The following NTN3 variants were observed in gnomAD, a reference collection of about 807,000 sequenced individuals.
The protein encoded by NTN3 is netrin 3.
In NTN3, 44 loss-of-function variants were observed where a neutral mutation model predicts 37.2. That is an observed-to-expected ratio of 1.18 (90% confidence interval 0.93 to 1.52). The LOEUF (loss-of-function observed/expected upper bound fraction) is 1.52, where lower values mean the gene tolerates loss of function less well. Ranked by LOEUF, NTN3 falls within the 40% of genes most tolerant of loss-of-function variation. The probability of loss-of-function intolerance (pLI) is 0.00; values close to 1 mark genes in which losing one functional copy is unlikely to be tolerated. For synonymous variants in NTN3, 385 were observed against 376.0 expected, an observed-to-expected ratio of 1.02 and a Z score of -0.28; for missense variants, 882 against 857.3, an observed-to-expected ratio of 1.03 and a Z score of -0.36.
Position 2,474,045 on chromosome 16 carries a change from G to A in NTN3, c.1683G>A (p.Trp561Ter). The change falls in exon 6 of 6, where the codon TGG (tryptophan) becomes TGA (stop). Residue 561 changes from tryptophan to a stop codon, truncating the protein, a stop_gained. Coordinates refer to ENST00000293973, the MANE Select transcript of NTN3 (RefSeq NM_006181.3). LOFTEE classifies it high-confidence loss of function. ...TCGTGCTACCCTGGAGGGACGCGTGGACGCGGCGCCTGCGGAGGCTGCAGC... is the reference window on the plus strand; with the variant it reads ...TCGTGCTACCCTGGAGGGACGCGTGAACGCGGCGCCTGCGGAGGCTGCAGC... ...GSLVLPWRDAWTRRLRRLQRR... is the reference protein window; with the variant it reads ...GSLVLPWRDA 8.3e-7 allele frequency: 1 copy of A among 1,206,342 alleles called. No individual in the cohort carries two copies. Among genetic ancestry groups the A allele is most frequent in the Non-Finnish European group, 1.0e-6 (1 of 971,450 alleles). The allele number at this position is 1,206,342 out of a possible 1,614,324, so 74.7% of individuals were successfully genotyped here.
At position 2,472,215 on chromosome 16, in the gene NTN3, G is replaced by T; in HGVS notation, c.514G>T (p.Gly172Trp). 6.2e-7 allele frequency: 1 copy of T among 1,609,916 alleles called. No homozygotes were observed. Residue 172 changes from glycine to tryptophan, a missense_variant, in exon 1 of 6, where the codon GGG becomes TGG. Transcript: ENST00000293973. The stretch of plus-strand genomic sequence containing the variant: ...CCCTGCCAATGGCCCAGCTGGCCCA[G>T]GGCCTGAGGCCCTGTGCTTCCCCGC... The part of the protein sequence containing the change: ...PAPANGPAGP[G>W]PEALCFPAPL...
rs918009261 is a variant in NTN3 at position 2,474,010 on chromosome 16, C to T, written c.1648C>T (p.Arg550Cys). The T allele has an allele frequency of 1.7e-6, 2 of 1,189,274 alleles. No individual in the cohort carries two copies. Among genetic ancestry groups the T allele is most frequent in the Non-Finnish European group, 1.0e-6 (1 of 960,718 alleles). 73.7% of individuals were successfully genotyped at this position (1,189,274 alleles called of 1,614,324 possible). A position where few individuals can be genotyped will look rare whatever the true frequency, so the allele number is the denominator to read the frequency against. ...GGRGPGLIAA[R>C]GSLVLPWRDA... ...CCGGGGGCCCGGGCTCATCGCCGCC[C>T]GCGGAAGCCTCGTGCTACCCTGGAG... Residue 550 changes from arginine to cysteine, a missense_variant, in exon 6 of 6, where the codon CGC becomes TGC. By Grantham distance (180) the Arg-to-Cys change is radical (BLOSUM62 -3). Transcript: ENST00000293973.
In NTN3 at chr16:2,471,352, G is replaced by T. The variant is rs2141844155; in HGVS notation, c.-350G>T. 1.6e-5 allele frequency: 3 copies of T among 186,080 alleles called. No individual in the cohort carries two copies. In the Admixed American group the frequency reaches 1.9e-4, roughly 12 times the overall value. The allele number at this position is 186,080 out of a possible 1,614,324, so 11.5% of individuals were successfully genotyped here. A position where few individuals can be genotyped will look rare whatever the true frequency, so the allele number is the denominator to read the frequency against. On this transcript the variant is annotated 5_prime_UTR_variant, in exon 1 of 6. Coordinates refer to ENST00000293973, the MANE Select transcript of NTN3 (RefSeq NM_006181.3). ...GGAGGCGGCGGCCCGTGCACCGCAG[G>T]CCCCGCCCGCCCACGGCCCTTCCCG...
intron 1 of NTN3, 29 bp downstream of exon 1, chr16:2,472,658 C>T: frequency 6.2e-7 from 1 of 1,604,146 alleles, no homozygotes; most frequent in Non-Finnish European, 8.5e-7. Context: ...GCCTGGGGAC[C>T]TTGGACACAA....
chr16:2,472,338 G>A lies in NTN3; in HGVS notation c.637G>A (p.Asp213Asn). The change falls in exon 1 of 6, where the codon GAC becomes AAC. Residue 213 changes from aspartate (D) to asparagine (N), a missense_variant. Coordinates refer to ENST00000293973, the MANE Select transcript of NTN3 (RefSeq NM_006181.3). ...LDLDSSPVLQ[D>N]WVTATDVRVV... Reference sequence around the variant, plus strand: ...CCTGGACAGCAGCCCAGTGCTCCAAGACTGGGTGACCGCCACCGACGTCCG... The same window carrying A: ...CCTGGACAGCAGCCCAGTGCTCCAAAACTGGGTGACCGCCACCGACGTCCG... 1 of 1,611,668 alleles carries A rather than the reference G, an allele frequency of 6.2e-7. No homozygotes were observed. Among genetic ancestry groups the A allele is most frequent in the Non-Finnish European group, 8.5e-7 (1 of 1,179,162 alleles).
chr16:2,472,801 C>G lies in NTN3; in HGVS notation c.1029C>G (p.His343Gln). The change falls in exon 2 of 6, where the codon CAC (histidine) becomes CAG (glutamine). Residue 343 changes from histidine to glutamine, a missense_variant. Coordinates refer to ENST00000293973, the MANE Select transcript of NTN3 (RefSeq NM_006181.3). ...GGGGTGTCTGTCTCAACTGCCGGCA[C>G]AACACCGCCGGCCGCCACTGCCACT... is the stretch of plus-strand genomic sequence containing the variant. ...RSGGVCLNCRHNTAGRHCHYC... is the reference protein window; with the variant it reads ...RSGGVCLNCRQNTAGRHCHYC... The G allele has an allele frequency of 6.2e-7, 1 of 1,607,370 alleles. No homozygotes were observed. The highest frequency in any genetic ancestry group is 8.5e-7 in the Non-Finnish European group (1 of 1,179,216).
intron 5 of NTN3, 91 bp from the exon 6 acceptor site, chr16:2,473,665 C>T: frequency 1.6e-6 from 2 of 1,288,288 alleles, no homozygotes; most frequent in East Asian, 5.1e-5. Context: ...CCCTTCAGCC[C>T]CCACTGCCCT....
rs762031316 is a variant in NTN3, at chr16:2,473,322, A to C, written c.1318+4A>C. On this transcript the variant is annotated splice_donor_region_variant and intron_variant, in intron 4 of 5. Coordinates refer to ENST00000293973, the MANE Select transcript of NTN3 (RefSeq NM_006181.3). The stretch of plus-strand genomic sequence containing the variant: ...AGCAGCCCTGTGCAGCCCCAGGGTG[A>C]GTGGACACAGGACAGGGCCCCAGAC... 1 of 1,612,690 alleles carries C rather than the reference A, an allele frequency of 6.2e-7. No individual in the cohort carries two copies. Among genetic ancestry groups the C allele is most frequent in the African/African-American group, 1.3e-5 (1 of 74,876 alleles).
In NTN3 at chr16:2,473,885, C is replaced by T. The variant is rs2065539873; in HGVS notation, c.1523C>T (p.Pro508Leu). The change falls in exon 6 of 6, where the codon CCC (proline) becomes CTC (leucine). Residue 508 changes from proline to leucine, a missense_variant. Transcript: ENST00000293973. ...CGCGGGAGTAGCGCGCTGTGGGTGCCCGCCGGGGATGCGGCCTGCGGCTGC... is the reference window on the plus strand; with the variant it reads ...CGCGGGAGTAGCGCGCTGTGGGTGCTCGCCGGGGATGCGGCCTGCGGCTGC... ...ARRGSSALWV[P>L]AGDAACGCPR... The T allele has an allele frequency of 1.6e-6, 2 of 1,239,114 alleles. No homozygotes were observed. The highest frequency in any genetic ancestry group is 3.1e-5 in the African/African-American group (2 of 63,640). The allele number at this position is 1,239,114 out of a possible 1,614,324, so 76.8% of individuals were successfully genotyped here.
At position 2,472,269 on chromosome 16, in the gene NTN3, C is replaced by T. The variant is rs771434830; in HGVS notation, c.568C>T (p.Leu190Phe). The T allele has an allele frequency of 3.1e-6, 5 of 1,607,738 alleles. No individual in the cohort carries two copies. The highest frequency in any genetic ancestry group is 4.2e-6 in the Non-Finnish European group (5 of 1,176,918). The stretch of plus-strand genomic sequence containing the variant: ...CCTGGCCCAGCCTGATGGCAGCGGC[C>T]TTCTGGCCTTCAGCATGCAGGACAG... ...APLAQPDGSG[L>F]LAFSMQDSSP... The change falls in exon 1 of 6, where the codon CTT (leucine) becomes TTT (phenylalanine). Residue 190 changes from leucine (L) to phenylalanine (F), a missense_variant. By Grantham distance (22) the Leu-to-Phe change is conservative (BLOSUM62 0). Coordinates refer to ENST00000293973, the MANE Select transcript of NTN3 (RefSeq NM_006181.3).
chr16:2,471,734 G>C lies in NTN3; in HGVS notation c.33G>C (p.Thr11=), dbSNP rs938791816. The change falls in exon 1 of 6, where the codon ACG becomes ACC. Residue 11 remains threonine, a synonymous_variant. Transcript: ENST00000293973. MPGWPWGLLL[T]AGTLFAALSP... is the part of the protein sequence containing the mutation. ...GCTGGCCCTGGGGGCTGCTGCTGACGGCAGGCACGCTCTTCGCCGCCCTGA... is the reference window on the plus strand; with the variant it reads ...GCTGGCCCTGGGGGCTGCTGCTGACCGCAGGCACGCTCTTCGCCGCCCTGA... The C allele has an allele frequency of 2.9e-6, 4 of 1,380,936 alleles. No homozygotes were observed. In the South Asian group the frequency reaches 6.7e-5, roughly 23 times the overall value. The allele number at this position is 1,380,936 out of a possible 1,614,324, so 85.5% of individuals were successfully genotyped here. A position where few individuals can be genotyped will look rare whatever the true frequency, so the allele number is the denominator to read the frequency against.
rs760204032 is a variant in NTN3 at position 2,472,280 on chromosome 16, C to T, written c.579C>T (p.Phe193=). 6.2e-7 allele frequency: 1 copy of T among 1,607,428 alleles called. No homozygotes were observed. Residue 193 remains phenylalanine, a synonymous_variant, in exon 1 of 6, where the codon TTC becomes TTT. Coordinates refer to ENST00000293973, the MANE Select transcript of NTN3 (RefSeq NM_006181.3). Reference sequence around the variant, plus strand: ...CTGATGGCAGCGGCCTTCTGGCCTTCAGCATGCAGGACAGCAGCCCCCCAG... The same window carrying T: ...CTGATGGCAGCGGCCTTCTGGCCTTTAGCATGCAGGACAGCAGCCCCCCAG... The part of the protein sequence containing the change: ...AQPDGSGLLA[F]SMQDSSPPGL...
At chr16:2,473,579 C>T in intron 5 of NTN3, 76 bp downstream of exon 5, 2 of 1,459,920 alleles carry the variant, frequency 1.4e-6, no homozygotes, top group Non-Finnish European at 1.9e-6. Context: ...CCAGCTTCCC[C>T]TTGGAACGCC....
Position 2,472,119 on chromosome 16 carries a change from C to A in NTN3, c.418C>A (p.His140Asn), listed in dbSNP as rs551933701. ...ASVALLKSQDHGRSWAPLGFF... is the reference protein window; with the variant it reads ...ASVALLKSQDNGRSWAPLGFF... ...CGTGGCCCTGCTCAAGTCTCAGGAC[C>A]ATGGCCGCAGCTGGGCCCCGCTGGG... is the stretch of plus-strand genomic sequence containing the variant. Residue 140 changes from histidine (H) to asparagine (N), a missense_variant, in exon 1 of 6, where the codon CAT becomes AAT. Physicochemically the swap from His to Asn is moderately conservative, Grantham distance 68. Coordinates refer to ENST00000293973, the MANE Select transcript of NTN3 (RefSeq NM_006181.3). 8.1e-6 allele frequency: 13 copies of A among 1,608,196 alleles called. No individual in the cohort carries two copies. The highest frequency in any genetic ancestry group is 1.3e-5 in the African/African-American group (1 of 74,896).
chr16:2,473,507 G>A lies in NTN3; in HGVS notation c.1393+4G>A, dbSNP rs763248145. ...AAGTTCTGCAAGAAGGACTATGGTA[G>A]GTGCCCTCAGGCCTCCCGCGGACCT... On this transcript the variant is annotated splice_donor_region_variant and intron_variant, in intron 5 of 5. Coordinates refer to ENST00000293973, the MANE Select transcript of NTN3 (RefSeq NM_006181.3). 1.6e-5 allele frequency: 25 copies of A among 1,612,174 alleles called. No homozygotes were observed. In the African/African-American group the frequency reaches 2.8e-4, roughly 18 times the overall value.
At position 2,473,860 on chromosome 16, in the gene NTN3, C is replaced by T; in HGVS notation, c.1498C>T (p.Arg500Cys). The stretch of plus-strand genomic sequence containing the variant: ...CCGGAGCGGAGAGGAGCGCGCGCGG[C>T]GCGGGAGTAGCGCGCTGTGGGTGCC... ...VFRSGEERAR[R>C]GSSALWVPAG... Residue 500 changes from arginine to cysteine, a missense_variant, in exon 6 of 6, where the codon CGC (arginine) becomes TGC (cysteine). Transcript: ENST00000293973. 3.1e-6 allele frequency: 4 copies of T among 1,305,642 alleles called. No homozygotes were observed. The highest frequency in any genetic ancestry group is 2.3e-5 in the South Asian group (1 of 43,808). 80.9% of individuals were successfully genotyped at this position (1,305,642 alleles called of 1,614,324 possible).
chr16:2,473,347 C>G (rs757252344), intron 4 of NTN3, 29 bp downstream of exon 4: 1 of 1,612,780 alleles, frequency 6.2e-7, no homozygotes, highest in East Asian at 2.2e-5. Context: ...GGGCCCCAGA[C>G]TGGCATGACT....
chr16:2,472,689 C>G lies in NTN3; in HGVS notation c.929-12C>G. The stretch of plus-strand genomic sequence containing the variant: ...CACAACCAGCCTGCCCCTGACCCAT[C>G]CCTCCCTGCAGCTTGCTCCTGCAAC... On this transcript the variant is annotated splice_polypyrimidine_tract_variant and intron_variant, in intron 1 of 5. Coordinates refer to ENST00000293973, the MANE Select transcript of NTN3 (RefSeq NM_006181.3). 6.2e-7 allele frequency: 1 copy of G among 1,608,688 alleles called. No homozygotes were observed. The highest frequency in any genetic ancestry group is 8.5e-7 in the Non-Finnish European group (1 of 1,178,882).
intron 2 of NTN3, 43 bp downstream of exon 2, chr16:2,472,932 T>C (rs755296771): frequency 7.6e-6 from 12 of 1,579,268 alleles, no homozygotes; most frequent in Admixed American, 1.7e-5. Flanking sequence ...CCCTCTGACT[T>C]CCCAGATCCC....
Sources: gnomAD v4.1 joint callset for allele counts on GRCh38, gnomAD v4.1.1 for gene constraint, MANE v1.5 for transcripts, NCBI Gene and HGNC (gene_info 2026-07-23, HGNC 2026-07-21) for gene names.